Variants in ANXA8 observed in about 807,000 individuals in gnomAD.
ANXA8 encodes annexin A8.
In ANXA8, 9 loss-of-function variants were observed where a neutral mutation model predicts 26.8. The observed-to-expected ratio is 0.34, with a 90% CI of 0.20 to 0.59. ANXA8 has a LOEUF of 0.59. Among genes scored for constraint, ANXA8 ranks in the 20% least tolerant of loss-of-function variants. The pLI is 0.84. For synonymous variants in ANXA8, 39 were observed against 94.8 expected (o/e 0.41, Z 3.42); for missense variants, 83 against 238.5 (o/e 0.35, Z 4.29).
At chr10:47,620,611 G>A in the ANXA8 span, among the ~76,000 whole-genome samples, 3 of 103,780 alleles carry the variant, frequency 2.9e-5, no homozygotes, top group Non-Finnish European at 6.2e-5. Flanking sequence ...AGTTCTGGAC[G>A]CTTAAAAAAT....
chr10:47,627,667 C>A, the ANXA8 span, among the ~76,000 whole-genome samples: 4 of 150,068 alleles, frequency 2.7e-5, no homozygotes, highest in African/African-American at 7.6e-5. Context: ...TCTGAAAATT[C>A]CCTCATCTAT....
At chr10:47,742,469 A>G in the ANXA8 span, among the ~76,000 whole-genome samples, 1 of 149,094 alleles carries the variant, frequency 6.7e-6, no homozygotes, top group Admixed American at 6.8e-5. Context: ...TCCTAACAAG[A>G]GTAATAAGGC....
chr10:47,744,394 G>A, the ANXA8 span, among the ~76,000 whole-genome samples: 3 of 126,266 alleles, frequency 2.4e-5, no homozygotes, highest in African/African-American at 8.6e-5. Context: ...TTGTCCACAC[G>A]TGGGGAAGGC....
chr10:47,898,832 TTTTTTTTTTTA>T, the ANXA8 span, among the ~76,000 whole-genome samples: 1 of 132,340 alleles, frequency 7.6e-6, no homozygotes, highest in Non-Finnish European at 1.6e-5. Flanking sequence ...TTTTTTTTTT[TTTTTTTTTTTA>T]GATGTGGTCT....
chr10:47,651,648 G>A, the ANXA8 span, among the ~76,000 whole-genome samples: 179 of 150,200 alleles, frequency 1.2e-3, 1 homozygote, highest in African/African-American at 3.9e-3. Context: ...AAATCCCAGC[G>A]CTTTGGAAGG....
the ANXA8 span, among the ~76,000 whole-genome samples, chr10:47,558,649 G>A: frequency 6.6e-6 from 1 of 151,558 alleles, no homozygotes; most frequent in Non-Finnish European, 1.5e-5. Context: ...GCCTCCCAAT[G>A]TGCTAGGACT....
chr10:47,988,993 G>A, the ANXA8 span, among the ~76,000 whole-genome samples: 1 of 151,190 alleles, frequency 6.6e-6, no homozygotes, highest in Admixed American at 6.6e-5. Context: ...CAAGCCCCTT[G>A]TGTGTGCCAG....
chr10:47,940,884 T>A, the ANXA8 span, among the ~76,000 whole-genome samples: 7 of 119,430 alleles, frequency 5.9e-5, no homozygotes, highest in African/African-American at 7.0e-5. Flanking sequence ...TTAAGCTCAA[T>A]AAAAAGAGAG....
the ANXA8 span, among the ~76,000 whole-genome samples, chr10:47,563,101 T>A: frequency 1.1e-5 from 1 of 87,630 alleles, no homozygotes. Context: ...CATGGTGGCA[T>A]GCACTTGTGG....
the ANXA8 span, among the ~76,000 whole-genome samples, chr10:47,616,960 T>C: frequency 0.025 from 1,717 of 69,928 alleles, 312 homozygotes; most frequent in African/African-American, 0.069. Flanking sequence ...GACTTAACTG[T>C]TCTTCTATAA....
At chr10:47,590,414 C>T in the ANXA8 span, 1 of 146,860 alleles carries the variant, frequency 6.8e-6, no homozygotes, top group Non-Finnish European at 1.5e-5. Context: ...GACCCAAGTG[C>T]TGGGCTTTAG....
At chr10:47,496,778 T>G in the ANXA8 span, among the ~76,000 whole-genome samples, 1 of 149,546 alleles carries the variant, frequency 6.7e-6, no homozygotes, top group Admixed American at 6.7e-5. Context: ...TGTATTTCCA[T>G]GATTGGACTG....
chr10:47,595,309 A>C, the ANXA8 span, among the ~76,000 whole-genome samples: 1 of 146,742 alleles, frequency 6.8e-6, no homozygotes, highest in African/African-American at 2.7e-5. Flanking sequence ...GAAAAAGCAC[A>C]GTTAAGTACA....
chr10:47,632,067 G>C, the ANXA8 span, among the ~76,000 whole-genome samples: 1 of 152,262 alleles, frequency 6.6e-6, no homozygotes, highest in Admixed American at 6.5e-5. Flanking sequence ...GACACCTAGG[G>C]ATGGAGTCTT....
At chr10:47,647,756 C>T in the ANXA8 span, among the ~76,000 whole-genome samples, 2 of 151,416 alleles carry the variant, frequency 1.3e-5, no homozygotes, top group South Asian at 4.1e-4. Flanking sequence ...TATTGGTAGG[C>T]CATGGCTACA....
At chr10:47,500,811 G>A in the ANXA8 span, among the ~76,000 whole-genome samples, 1 of 120,050 alleles carries the variant, frequency 8.3e-6, no homozygotes, top group Non-Finnish European at 1.7e-5. Flanking sequence ...TCTGCTCACT[G>A]CAAGCTTTGC....
At chr10:47,955,528 A>C in the ANXA8 span, among the ~76,000 whole-genome samples, 3 of 150,120 alleles carry the variant, frequency 2.0e-5, no homozygotes, top group Non-Finnish European at 4.4e-5. Flanking sequence ...GACTGTACTG[A>C]ATACTGCAGG....
chr10:47,707,166 T>C, the ANXA8 span, among the ~76,000 whole-genome samples: 46 of 129,772 alleles, frequency 3.5e-4, 4 homozygotes, highest in South Asian at 0.01. Context: ...GCTGCAAACC[T>C]CAAAAAAACA....
At chr10:47,468,929 C>T (rs1262335665) in intron 11 of ANXA8, 23 bp from the exon 12 acceptor site, 12 of 1,609,724 alleles carry the variant, frequency 7.5e-6, no homozygotes, top group South Asian at 1.1e-5. Flanking sequence ...GGCGCATAAG[C>T]GTGAGAAGGG....
Sources: gnomAD v4.1 joint callset for allele counts (sites outside exome capture counted in the v4.1 genomes callset) on GRCh38, gnomAD v4.1.1 for gene constraint, MANE v1.5 for transcripts, NCBI Gene and HGNC (gene_info 2026-07-23, HGNC 2026-07-21) for gene names.